Variants in HPSE2 observed in about 807,000 individuals in gnomAD.
The protein encoded by HPSE2 is inactive heparanase-2.
HPSE2 carries 38 observed loss-of-function variants against 60.5 expected under a neutral mutation model. The ratio of observed to expected loss-of-function variants is 0.63; its 90% CI spans 0.48 to 0.82. The LOEUF is 0.82. Ranked by LOEUF, HPSE2 falls within the 40% of genes least tolerant of loss-of-function variation. The pLI is 0.00. For missense variants in HPSE2, 713 were observed against 740.4 expected, an observed-to-expected ratio of 0.96 and a Z score of 0.43; for synonymous variants, 295 against 293.2, an observed-to-expected ratio of 1.01 and a Z score of -0.06.
intron 3 of HPSE2, among the ~76,000 whole-genome samples, chr10:98,849,640 C>A (rs1260465376): frequency 6.6e-6 from 1 of 152,098 alleles, no homozygotes; most frequent in Non-Finnish European, 1.5e-5. Flanking sequence ...AAGATGAGAA[C>A]TGGAGAATTA....
chr10:99,280,977 G>C, the HPSE2 span, among the ~76,000 whole-genome samples: 1 of 152,082 alleles, frequency 6.6e-6, no homozygotes, highest in Non-Finnish European at 1.5e-5. Context: ...GATTTGGGCA[G>C]ATTACTTAAC....
chr10:99,202,220 A>G (rs1848598407), intron 2 of HPSE2, among the ~76,000 whole-genome samples: 1 of 152,214 alleles, frequency 6.6e-6, no homozygotes, highest in African/African-American at 2.4e-5. Flanking sequence ...AAGAGCAGAG[A>G]TACCAGGAAC....
At chr10:99,052,155 A>G (rs1958005988) in intron 3 of HPSE2, among the ~76,000 whole-genome samples, 1 of 152,114 alleles carries the variant, frequency 6.6e-6, no homozygotes, top group African/African-American at 2.4e-5. Context: ...AGATGATATT[A>G]TAAACATAAT....
intron 4 of HPSE2, among the ~76,000 whole-genome samples, chr10:98,731,140 C>G (rs1949217301): frequency 6.6e-6 from 1 of 152,062 alleles, no homozygotes; most frequent in African/African-American, 2.4e-5. Flanking sequence ...CAAAAATTAG[C>G]CAGGCATTAG....
At chr10:99,000,811 C>A (rs1956761421) in intron 3 of HPSE2, among the ~76,000 whole-genome samples, 1 of 152,012 alleles carries the variant, frequency 6.6e-6, no homozygotes, top group Non-Finnish European at 1.5e-5. Flanking sequence ...TTAACTTTTT[C>A]AGTCCATTAT....
intron 5 of HPSE2, among the ~76,000 whole-genome samples, chr10:98,717,677 A>C (rs10786463): frequency 0.95 from 143,757 of 151,980 alleles, 68,477 homozygotes; most frequent in East Asian, 1. Context: ...TAGTTCATGG[A>C]GCTCCAAAAT....
intron 3 of HPSE2, among the ~76,000 whole-genome samples, chr10:98,824,849 C>G (rs561859295): frequency 7.9e-4 from 120 of 152,182 alleles, no homozygotes; most frequent in Admixed American, 7.9e-3. Flanking sequence ...TGGTATAGCA[C>G]TTAGCAGGCT....
At chr10:98,550,393 A>C (rs1564960659) in intron 9 of HPSE2, among the ~76,000 whole-genome samples, 2 of 151,866 alleles carry the variant, frequency 1.3e-5, no homozygotes, top group Non-Finnish European at 2.9e-5. Flanking sequence ...TCCTGAGTTC[A>C]ACCAGTCCTC....
At chr10:98,909,952 A>G (rs6584225) in intron 3 of HPSE2, among the ~76,000 whole-genome samples, 23,763 of 152,154 alleles carry the variant, frequency 0.16, 2,827 homozygotes, top group African/African-American at 0.33. Context: ...AAAACTGTTA[A>G]CAGAGATGTA....
intron 6 of HPSE2, among the ~76,000 whole-genome samples, chr10:98,682,375 T>A (rs1290919572): frequency 6.6e-6 from 1 of 152,182 alleles, no homozygotes; most frequent in Non-Finnish European, 1.5e-5. Flanking sequence ...CTTTTCTTTA[T>A]AAGTTACTCT....
At chr10:98,917,525 T>C (rs1246253358) in intron 3 of HPSE2, among the ~76,000 whole-genome samples, 1 of 152,254 alleles carries the variant, frequency 6.6e-6, no homozygotes, top group Non-Finnish European at 1.5e-5. Flanking sequence ...CTTAAAATCC[T>C]AGCTCTACAA....
chr10:98,926,360 G>C (rs542571340), intron 3 of HPSE2, among the ~76,000 whole-genome samples: 77 of 152,244 alleles, frequency 5.1e-4, no homozygotes, highest in African/African-American at 1.8e-3. Context: ...TAACCAGATG[G>C]TAGTGAAACA....
intron 9 of HPSE2, among the ~76,000 whole-genome samples, chr10:98,494,863 T>G (rs1004960491): frequency 6.6e-6 from 1 of 152,202 alleles, no homozygotes; most frequent in African/African-American, 2.4e-5. Flanking sequence ...GGTATTAGTC[T>G]GTTAAAACAT....
intron 3 of HPSE2, among the ~76,000 whole-genome samples, chr10:98,951,721 T>A (rs1201650886): frequency 6.6e-6 from 1 of 152,162 alleles, no homozygotes; most frequent in Non-Finnish European, 1.5e-5. Flanking sequence ...TTCATACTCA[T>A]AAGCTCCCCA....
intron 3 of HPSE2, among the ~76,000 whole-genome samples, chr10:98,877,029 T>C (rs1302794777): frequency 6.6e-6 from 1 of 151,852 alleles, no homozygotes; most frequent in Non-Finnish European, 1.5e-5. Flanking sequence ...CTATTGAATA[T>C]TTTGTAAAAA....
At chr10:99,215,559 T>C (rs1247408034) in intron 2 of HPSE2, among the ~76,000 whole-genome samples, 1 of 152,184 alleles carries the variant, frequency 6.6e-6, no homozygotes, top group Non-Finnish European at 1.5e-5. Flanking sequence ...CAAACCACCA[T>C]GGCACAAGTA....
chr10:98,905,300 T>C (rs1185732693), intron 3 of HPSE2, among the ~76,000 whole-genome samples: 1 of 148,910 alleles, frequency 6.7e-6, no homozygotes, highest in East Asian at 2.0e-4. Flanking sequence ...CCCAATGCTA[T>C]CCCTCCCCCC....
intron 3 of HPSE2, among the ~76,000 whole-genome samples, chr10:98,803,774 C>T (rs1950975185): frequency 6.6e-6 from 1 of 150,994 alleles, no homozygotes; most frequent in African/African-American, 2.4e-5. Flanking sequence ...CAGCTTTGTT[C>T]TTTTGGCTTA....
intron 3 of HPSE2, among the ~76,000 whole-genome samples, chr10:99,010,887 A>G (rs755296166): frequency 6.6e-6 from 1 of 152,178 alleles, no homozygotes; most frequent in Non-Finnish European, 1.5e-5. Context: ...TCAGGGGTAC[A>G]TGTGCAGGTT....
Sources: allele counts gnomAD v4.1 joint callset (sites outside exome capture counted in the v4.1 genomes callset), GRCh38; gene constraint gnomAD v4.1.1; transcripts MANE v1.5; gene names NCBI Gene and HGNC (gene_info 2026-07-23, HGNC 2026-07-21).